MSI2: variants seen among roughly 807,000 people sequenced by gnomAD.
MSI2 encodes musashi RNA binding protein 2.
MSI2 carries 17 observed loss-of-function variants against 45.6 expected under a neutral mutation model. That is an observed-to-expected ratio of 0.37 (90% CI 0.26 to 0.56). The LOEUF (loss-of-function observed/expected upper bound fraction) is 0.56, where lower values mean the gene tolerates loss of function less well. Ranked by LOEUF, MSI2 falls within the 20% of genes least tolerant of loss-of-function variation. The pLI, the probability that MSI2 is intolerant of heterozygous loss-of-function variation, is 0.77. For missense variants in MSI2, 293 were observed against 444.2 expected (o/e 0.66, Z 3.06); for synonymous variants, 156 against 158.2 (o/e 0.99, Z 0.11).
rs34640091 is a variant in MSI2 at position 57,273,535 on chromosome 17, TGG to T, written c.312+11352_312+11353del. Among the ~76,000 whole-genome samples the T allele has an allele frequency of 1.8e-3, 153 of 86,004 alleles. 4 individuals carry two copies. Among genetic ancestry groups the T allele is most frequent in the African/African-American group, 4.4e-3 (126 of 28,502 alleles). 56.4% of individuals were successfully genotyped at this position (86,004 alleles called of 152,430 possible). A position where few individuals can be genotyped will look rare whatever the true frequency, so the allele number is the denominator to read the frequency against. On this transcript the variant is annotated intron_variant, in intron 5 of 13. Transcript: ENST00000284073. ...CAGACTGACATAGTGGGGATGTGGG[TGG>T]GGGGGGGGACCTCATTATGAATTTT...
At chr17:57,303,235 G>C (rs574262232) in intron 5 of MSI2, among the ~76,000 whole-genome samples, 2 of 152,174 alleles carry the variant, frequency 1.3e-5, no homozygotes, top group Non-Finnish European at 2.9e-5. Context: ...GACCTTTGAT[G>C]TTCTGGAAAA....
intron 5 of MSI2, among the ~76,000 whole-genome samples, chr17:57,318,717 C>A (rs901635402): frequency 6.6e-6 from 1 of 152,152 alleles, no homozygotes; most frequent in African/African-American, 2.4e-5. Context: ...GTTCCTGAAT[C>A]CAGGCCTTGG....
At chr17:57,394,567 G>A (rs575236105) in intron 5 of MSI2, among the ~76,000 whole-genome samples, 10 of 152,352 alleles carry the variant, frequency 6.6e-5, no homozygotes, top group Admixed American at 2.0e-4. Context: ...CTGCCCTTGC[G>A]TAAACTCTGG....
intron 7 of MSI2, among the ~76,000 whole-genome samples, chr17:57,561,322 C>T (rs1011284588): frequency 1.3e-5 from 2 of 152,142 alleles, no homozygotes; most frequent in Non-Finnish European, 2.9e-5. Context: ...TGTGCAGTTG[C>T]GTCACCCATG....
chr17:57,547,741 T>TACACACACACACAC (rs34631177), intron 7 of MSI2, among the ~76,000 whole-genome samples: 23 of 123,422 alleles, frequency 1.9e-4, no homozygotes, highest in South Asian at 2.8e-4. Context: ...AGACAAAAAG[T>TACACACACACACAC]ACACACACAC....
chr17:57,459,562 C>T (rs1417932997), intron 6 of MSI2, among the ~76,000 whole-genome samples: 3 of 152,168 alleles, frequency 2.0e-5, no homozygotes, highest in Middle Eastern at 3.2e-3. Context: ...ATTAGAGCAG[C>T]TTTTAGTCAC....
intron 5 of MSI2, among the ~76,000 whole-genome samples, chr17:57,322,194 G>A (rs73323502): frequency 0.055 from 8,441 of 152,230 alleles, 817 homozygotes; most frequent in African/African-American, 0.19. Flanking sequence ...GGAGAATGTG[G>A]TAGCTGAATC....
At chr17:57,356,001 G>C (rs1916384025) in intron 5 of MSI2, among the ~76,000 whole-genome samples, 1 of 152,146 alleles carries the variant, frequency 6.6e-6, no homozygotes, top group Non-Finnish European at 1.5e-5. Context: ...AGCCTCCCAA[G>C]TAACTGGGAT....
intron 5 of MSI2, among the ~76,000 whole-genome samples, chr17:57,376,575 T>G (rs534594094): frequency 1.3e-5 from 2 of 152,260 alleles, no homozygotes; most frequent in African/African-American, 4.8e-5. Flanking sequence ...TGACTGGAGA[T>G]CTGGGTTTTC....
chr17:57,471,437 G>C (rs7219435), intron 6 of MSI2, among the ~76,000 whole-genome samples: 117,525 of 151,384 alleles, frequency 0.78, 46,044 homozygotes, highest in East Asian at 0.91. Flanking sequence ...ATTACAGGCG[G>C]CTGCCACCAT....
the MSI2 span, among the ~76,000 whole-genome samples, chr17:57,699,771 G>T: frequency 6.6e-6 from 1 of 152,184 alleles, no homozygotes; most frequent in African/African-American, 2.4e-5. Flanking sequence ...AGGTGGATGG[G>T]GGCCAAGGAG....
At chr17:57,687,457 T>A (rs4793897), downstream of MSI2, among the ~76,000 whole-genome samples, 95,092 of 151,494 alleles carry the variant, frequency 0.63, 30,339 homozygotes, top group African/African-American at 0.75. Flanking sequence ...ATGAAAGGAG[T>A]TAACAGAGAA....
At chr17:57,500,363 A>T (rs2143861487) in intron 6 of MSI2, among the ~76,000 whole-genome samples, 1 of 150,584 alleles carries the variant, frequency 6.6e-6, no homozygotes, top group South Asian at 2.1e-4. Flanking sequence ...TATACCTCAG[A>T]TCTCTCTTCG....
chr17:57,295,992 CTTTTTTTTTTTTTTTTTTTTTT>C (rs386386327), intron 5 of MSI2, among the ~76,000 whole-genome samples: 3 of 38,656 alleles, frequency 7.8e-5, no homozygotes, highest in East Asian at 2.7e-3. Context: ...CGCAGCCTTC[CTTTTTTTTTTTTTTTTTTTTTT>C]TTTTTTTTTT....
intron 5 of MSI2, among the ~76,000 whole-genome samples, chr17:57,276,206 T>C (rs1908831085): frequency 6.6e-6 from 1 of 152,230 alleles, no homozygotes; most frequent in South Asian, 2.1e-4. Flanking sequence ...TTTCAGCACA[T>C]GAAAGTGGCA....
intron 5 of MSI2, among the ~76,000 whole-genome samples, chr17:57,298,811 C>T (rs141155553): frequency 1.5e-3 from 224 of 152,212 alleles, no homozygotes; most frequent in African/African-American, 4.9e-3. Flanking sequence ...GTTGTATTAG[C>T]CCCTAACAAG....
intron 6 of MSI2, among the ~76,000 whole-genome samples, chr17:57,495,364 C>G (rs1173956123): frequency 1.3e-5 from 2 of 151,884 alleles, no homozygotes; most frequent in Non-Finnish European, 2.9e-5. Flanking sequence ...GAAACCCCGT[C>G]TCTACTAAAA....
chr17:57,263,544 A>G (rs1907508259), intron 5 of MSI2: 1 of 152,218 alleles, frequency 6.6e-6, no homozygotes, highest in African/African-American at 2.4e-5. Flanking sequence ...TGTTTCTTCC[A>G]TAAGTGTGAA....
intron 5 of MSI2, among the ~76,000 whole-genome samples, chr17:57,289,890 A>G (rs902587189): frequency 2.0e-5 from 3 of 152,248 alleles, no homozygotes; most frequent in African/African-American, 7.2e-5. Flanking sequence ...GCAAGTTGCC[A>G]TGAAGTAGTT....
Sources: allele counts gnomAD v4.1 joint callset (sites outside exome capture counted in the v4.1 genomes callset), GRCh38; gene constraint gnomAD v4.1.1; transcripts MANE v1.5; gene names NCBI Gene and HGNC (gene_info 2026-07-23, HGNC 2026-07-21).